The following CCDC138 variants were observed in gnomAD, a reference collection of about 807,000 sequenced individuals.
The protein encoded by CCDC138 is coiled-coil domain-containing protein 138.
A neutral mutation model predicts 82.3 loss-of-function variants in CCDC138; 66 were observed. The ratio of observed to expected loss-of-function variants is 0.80; its 90% CI spans 0.66 to 0.98. The LOEUF (loss-of-function observed/expected upper bound fraction) is 0.98. Among genes scored for constraint, CCDC138 ranks in the 50% least tolerant of loss-of-function variants. The pLI, the probability that CCDC138 is intolerant of heterozygous loss-of-function variation, is 0.00. For missense variants in CCDC138, 816 were observed against 758.9 expected, an observed-to-expected ratio of 1.08 and a Z score of -0.88; for synonymous variants, 297 against 265.4, an observed-to-expected ratio of 1.12 and a Z score of -1.16.
chr2:108,885,099 C>T (rs532026331), intron 2 of CCDC138: 5 of 152,116 alleles, frequency 3.3e-5, no homozygotes, highest in Non-Finnish European at 7.4e-5. Flanking sequence ...GTCTTTTTTC[C>T]AGGTACTCTG....
At chr2:108,853,853 TATATATATA>T (rs935992846) in intron 12 of CCDC138, among the ~76,000 whole-genome samples, 50 of 129,530 alleles carry the variant, frequency 3.9e-4, no homozygotes, top group Non-Finnish European at 7.0e-4. Flanking sequence ...ATATATATAC[TATATATATA>T]ATATATATAC....
Position 108,873,488 on chromosome 2 carries a change from T to A in CCDC138, c.1731T>A (p.Ser577=). 6.2e-7 allele frequency: 1 copy of A among 1,608,530 alleles called. No homozygotes were observed. The highest frequency in any genetic ancestry group is 8.5e-7 in the Non-Finnish European group (1 of 1,177,620). Residue 577 remains serine (S), a synonymous_variant, in exon 14 of 15, where the codon TCT becomes TCA. Transcript: ENST00000295124. The stretch of plus-strand genomic sequence containing the variant: ...CTTTCCTGGAAGCCTGTAGCAACTC[T>A]TTATTTTTTCGTACTTGCTCTGTGC... ...LQPFLEACSN[S]LFFRTCSVLL... is the part of the protein sequence containing the mutation.
At chr2:108,792,899 C>T (rs1282813820) in intron 4 of CCDC138, among the ~76,000 whole-genome samples, 2 of 150,206 alleles carry the variant, frequency 1.3e-5, no homozygotes, top group East Asian at 3.9e-4. Flanking sequence ...CCTGTCTCTA[C>T]TAAAAATACA....
rs1238990930 is a variant in CCDC138, at chr2:108,852,900, T to TA, written c.1517-3887dup. Among the ~76,000 whole-genome samples the TA allele has an allele frequency of 2.0e-5, 3 of 151,986 alleles. No individual in the cohort carries two copies. The East Asian group carries it at 5.8e-4, about 29-fold the overall frequency. On this transcript the variant is annotated intron_variant, in intron 12 of 14. Coordinates refer to ENST00000295124, the MANE Select transcript of CCDC138 (RefSeq NM_144978.3). ...CAGGTACCCCTGAACTAAAATAAAA[T>TA]AAAAAAACCCAACCATTACAGAAGT...
intron 11 of CCDC138, among the ~76,000 whole-genome samples, chr2:108,840,869 T>C (rs144283932): frequency 6.6e-6 from 1 of 152,206 alleles, no homozygotes; most frequent in Admixed American, 6.5e-5. Context: ...TGGAATTCAC[T>C]GGCACAGTCT....
At chr2:108,858,361 C>CA (rs139044517) in intron 13 of CCDC138, among the ~76,000 whole-genome samples, 3,046 of 151,522 alleles carry the variant, frequency 0.02, 99 homozygotes, top group African/African-American at 0.07. Context: ...AACAAACAAA[C>CA]AAAAAAAACA....
At chr2:108,794,851 G>A in intron 5 of CCDC138, 130 bp downstream of exon 5, 2 of 693,540 alleles carry the variant, frequency 2.9e-6, no homozygotes, top group Admixed American at 3.1e-5. Flanking sequence ...AGGACGGAAG[G>A]GGACAAACTC....
At chr2:108,864,235 T>C (rs1313659708) in intron 13 of CCDC138, among the ~76,000 whole-genome samples, 3 of 152,188 alleles carry the variant, frequency 2.0e-5, no homozygotes, top group Non-Finnish European at 4.4e-5. Context: ...TAGAAGAAGC[T>C]AAGAAAGCAA....
intron 10 of CCDC138, among the ~76,000 whole-genome samples, chr2:108,819,142 C>G (rs1231828196): frequency 2.6e-5 from 4 of 152,036 alleles, no homozygotes; most frequent in Non-Finnish European, 5.9e-5. Flanking sequence ...AAGTTAATTG[C>G]AATATAATGA....
intron 1 of CCDC138, 117 bp from the exon 2 acceptor site, chr2:108,787,915 G>T: frequency 1.2e-6 from 1 of 866,854 alleles, no homozygotes; most frequent in Non-Finnish European, 1.7e-6. Flanking sequence ...TTAAGATGGT[G>T]TCTACAAGAT....
chr2:108,814,957 A>G (rs930295519), intron 9 of CCDC138, among the ~76,000 whole-genome samples: 14 of 152,166 alleles, frequency 9.2e-5, no homozygotes, highest in Non-Finnish European at 2.1e-4. Context: ...AAAAAAATAA[A>G]TTTAACATAG....
At chr2:108,796,321 TG>T (rs1680881041) in intron 5 of CCDC138, among the ~76,000 whole-genome samples, 1 of 152,162 alleles carries the variant, frequency 6.6e-6, no homozygotes, top group Non-Finnish European at 1.5e-5. Context: ...CCCAAAGTGC[TG>T]GGATTACAGG....
Position 108,804,777 on chromosome 2 carries a change from A to G in CCDC138, c.736-112A>G, listed in dbSNP as rs190021893. The G allele has an allele frequency of 5.3e-4, 541 of 1,027,394 alleles. 2 individuals are homozygous for G. In the African/African-American group the frequency reaches 8.0e-3, roughly 15 times the overall value. 63.6% of individuals were successfully genotyped at this position (1,027,394 alleles called of 1,614,324 possible). ...TCACTTGTGCTTGCATACACTGATT[A>G]AAGTTTTTGTGATTGAAGGAGTTCT... On this transcript the variant is annotated intron_variant, in intron 6 of 14. Coordinates refer to ENST00000295124, the MANE Select transcript of CCDC138 (RefSeq NM_144978.3).
chr2:108,869,799 A>G (rs1364828762), intron 13 of CCDC138, among the ~76,000 whole-genome samples: 2 of 152,204 alleles, frequency 1.3e-5, no homozygotes, highest in Admixed American at 6.5e-5. Flanking sequence ...CAGGTGCTTG[A>G]TAAGTAGTGA....
downstream of CCDC138, chr2:108,878,404 A>G (rs1696174592): frequency 9.3e-6 from 2 of 215,412 alleles, no homozygotes; most frequent in South Asian, 8.1e-5. Context: ...GAAAACTGAT[A>G]ATAAAATCAG....
intron 11 of CCDC138, among the ~76,000 whole-genome samples, chr2:108,843,787 G>A (rs1242102718): frequency 1.3e-5 from 2 of 149,906 alleles, no homozygotes; most frequent in Non-Finnish European, 2.9e-5. Context: ...CAGTCTCTGG[G>A]CACGTTTTTT....
intron 2 of CCDC138, chr2:108,882,940 A>T (rs1468649517): frequency 6.6e-6 from 1 of 151,730 alleles, no homozygotes; most frequent in Non-Finnish European, 1.5e-5. Flanking sequence ...AGGAGCATCG[A>T]GATTAAAGGG....
intron 7 of CCDC138, among the ~76,000 whole-genome samples, chr2:108,805,423 CTTATTTATATA>C (rs1682688860): frequency 6.6e-6 from 1 of 152,096 alleles, no homozygotes; most frequent in East Asian, 1.9e-4. Context: ...TTGCAGTATA[CTTATTTATATA>C]AGTATTGCAG....
chr2:108,843,895 T>TTC (rs1689994881), intron 11 of CCDC138, among the ~76,000 whole-genome samples: 1 of 143,708 alleles, frequency 7.0e-6, no homozygotes, highest in Non-Finnish European at 1.5e-5. Flanking sequence ...TCTTTTTTTT[T>TTC]TTTTTTTTTT....
Sources: gnomAD v4.1 joint callset for allele counts (sites outside exome capture counted in the v4.1 genomes callset) on GRCh38, gnomAD v4.1.1 for gene constraint, MANE v1.5 for transcripts, NCBI Gene and HGNC (gene_info 2026-07-23, HGNC 2026-07-21) for gene names.